MALT1: variants seen among roughly 807,000 people sequenced by gnomAD.
The protein encoded by MALT1 is MALT1 paracaspase.
MALT1 carries 36 observed loss-of-function variants against 85.5 expected under a neutral mutation model. The ratio of observed to expected loss-of-function variants is 0.42; its 90% CI spans 0.32 to 0.56. MALT1 has a LOEUF of 0.56. Ranked by LOEUF, MALT1 falls within the 20% of genes least tolerant of loss-of-function variation. MALT1 has a pLI of 0.10. For missense variants in MALT1, 716 were observed against 981.6 expected, an observed-to-expected ratio of 0.73 and a Z score of 3.62; for synonymous variants, 359 against 361.3, an observed-to-expected ratio of 0.99 and a Z score of 0.07.
chr18:58,680,965 G>T (rs1001345516), intron 1 of MALT1, among the ~76,000 whole-genome samples: 3 of 150,784 alleles, frequency 2.0e-5, no homozygotes, highest in African/African-American at 7.3e-5. Context: ...ATAATCATGG[G>T]AGCTGAGTGG....
intron 7 of MALT1, among the ~76,000 whole-genome samples, chr18:58,713,330 A>G (rs1240800547): frequency 6.6e-6 from 1 of 152,188 alleles, no homozygotes; most frequent in Non-Finnish European, 1.5e-5. Flanking sequence ...CCCATGGGGT[A>G]CAGGTTAATT....
intron 1 of MALT1, among the ~76,000 whole-genome samples, chr18:58,677,367 A>C (rs2054256881): frequency 6.6e-6 from 1 of 152,184 alleles, no homozygotes; most frequent in Non-Finnish European, 1.5e-5. Flanking sequence ...GCATTTGATG[A>C]GATGGCTTCT....
At chr18:58,728,374 TG>T (rs1167501052) in intron 10 of MALT1, among the ~76,000 whole-genome samples, 1 of 150,298 alleles carries the variant, frequency 6.7e-6, no homozygotes, top group African/African-American at 2.5e-5. Context: ...GAAGCTAAGG[TG>T]GGAGGGTTGC....
intron 4 of MALT1, 43 bp from the exon 5 acceptor site, chr18:58,709,335 T>G: frequency 7.4e-7 from 1 of 1,354,082 alleles, no homozygotes; most frequent in East Asian, 2.6e-5. Flanking sequence ...AAATTTTATT[T>G]TTATTTTTAA....
Position 58,753,777 on chromosome 18 carries a change from G to A in MALT1, c.*5935G>A, listed in dbSNP as rs994399530. On this transcript the variant is annotated 3_prime_UTR_variant, in exon 17 of 17. Transcript: ENST00000649217. The stretch of plus-strand genomic sequence containing the variant: ...CAATTGTGTAATGTAAATATGCTCA[G>A]CTTCAATACATTTAAGAACACATTT... 5 of 150,832 alleles carry A rather than the reference G, an allele frequency of 3.3e-5. No homozygotes were observed. Among genetic ancestry groups the A allele is most frequent in the African/African-American group, 1.2e-4 (5 of 40,244 alleles). 9.3% of individuals were successfully genotyped at this position (150,832 alleles called of 1,614,324 possible). A position where few individuals can be genotyped will look rare whatever the true frequency, so the allele number is the denominator to read the frequency against.
At chr18:58,711,606 A>T (rs1486529387) in intron 7 of MALT1, among the ~76,000 whole-genome samples, 1 of 152,202 alleles carries the variant, frequency 6.6e-6, no homozygotes, top group Non-Finnish European at 1.5e-5. Flanking sequence ...TAATGAGTAA[A>T]TATTAAAATT....
chr18:58,733,864 CTA>C, intron 11 of MALT1: 1 of 1,179,550 alleles, frequency 8.5e-7, no homozygotes, highest in African/African-American at 1.6e-5. Flanking sequence ...TTAATAATCA[CTA>C]TAGTTATTCC....
chr18:58,724,097 C>G (rs1415643368), intron 10 of MALT1, among the ~76,000 whole-genome samples: 1 of 152,158 alleles, frequency 6.6e-6, no homozygotes, highest in Non-Finnish European at 1.5e-5. Flanking sequence ...CGGTTTGGCT[C>G]CTGTATCTTT....
chr18:58,717,298 G>A (rs1475127098), intron 9 of MALT1, among the ~76,000 whole-genome samples: 1 of 151,888 alleles, frequency 6.6e-6, no homozygotes, highest in Non-Finnish European at 1.5e-5. Context: ...GAGAGGTGGA[G>A]GTTGTGGTGA....
At chr18:58,680,809 G>A (rs982715399) in intron 1 of MALT1, among the ~76,000 whole-genome samples, 1 of 151,648 alleles carries the variant, frequency 6.6e-6, no homozygotes, top group African/African-American at 2.4e-5. Flanking sequence ...TGTAGTCCCA[G>A]CTACTCGGGA....
At chr18:58,716,477 T>TA (rs931171725) in intron 9 of MALT1, among the ~76,000 whole-genome samples, 5 of 152,202 alleles carry the variant, frequency 3.3e-5, no homozygotes, top group Non-Finnish European at 4.4e-5. Flanking sequence ...TTAAAGATGG[T>TA]AAAAATAGCT....
rs1300768381 is a variant in MALT1 at position 58,747,643 on chromosome 18, G to T, written c.2276G>T (p.Gly759Val). 6.2e-7 allele frequency: 1 copy of T among 1,614,142 alleles called. No individual in the cohort carries two copies. The highest frequency in any genetic ancestry group is 8.5e-7 in the Non-Finnish European group (1 of 1,180,014). Residue 759 changes from glycine to valine, a missense_variant, in exon 17 of 17, where the codon GGT becomes GTT. Physicochemically the swap from Gly to Val is moderately radical, Grantham distance 109. Coordinates refer to ENST00000649217, the MANE Select transcript of MALT1 (RefSeq NM_006785.4). ...CACTCATTGCAAGACCCATTCCATG[G>T]TGTTTACCATTCACATCCTGGTAAT... ...HYHSLQDPFH[G>V]VYHSHPGNPS...
In MALT1 at chr18:58,752,153, GC is replaced by G. The variant is rs571619788; in HGVS notation, c.*4312del. 563 of 152,164 alleles carry G rather than the reference GC, an allele frequency of 3.7e-3. 4 individuals carry two copies. Among genetic ancestry groups the G allele is most frequent in the African/African-American group, 0.013 (540 of 41,496 alleles). The allele number at this position is 152,164 out of a possible 1,614,324, so 9.4% of individuals were successfully genotyped here. A position where few individuals can be genotyped will look rare whatever the true frequency, so the allele number is the denominator to read the frequency against. ...ATCACTGACATGTATACTGGCATAA[GC>G]TTTTTTTTGTTTGTTTTTAATTTTA... On this transcript the variant is annotated 3_prime_UTR_variant, in exon 17 of 17. Transcript: ENST00000649217.
rs1310581028 is a variant in MALT1 at position 58,750,597 on chromosome 18, G to A, written c.*2755G>A. 2.0e-5 allele frequency: 3 copies of A among 152,186 alleles called. No individual in the cohort carries two copies. Among genetic ancestry groups the A allele is most frequent in the Non-Finnish European group, 2.9e-5 (2 of 68,032 alleles). 9.4% of individuals were successfully genotyped at this position (152,186 alleles called of 1,614,324 possible). On this transcript the variant is annotated 3_prime_UTR_variant, in exon 17 of 17. Transcript: ENST00000649217. ...AAACCCATACATTTCTGGTCAACTT[G>A]TTTTCAACAAGGATGCCAATACCAT...
intron 13 of MALT1, among the ~76,000 whole-genome samples, chr18:58,737,870 ACC>A (rs1474517070): frequency 6.6e-6 from 1 of 152,234 alleles, no homozygotes; most frequent in East Asian, 1.9e-4. Flanking sequence ...GACGTGAGCC[ACC>A]ACGCCCGGCC....
At chr18:58,728,962 G>A (rs774632296) in intron 10 of MALT1, among the ~76,000 whole-genome samples, 18 of 152,068 alleles carry the variant, frequency 1.2e-4, no homozygotes, top group Non-Finnish European at 2.5e-4. Flanking sequence ...GCTGTCAGTC[G>A]TCTCTGAGTA....
intron 2 of MALT1, among the ~76,000 whole-genome samples, chr18:58,689,827 G>A (rs2054469354): frequency 1.3e-5 from 2 of 152,198 alleles, no homozygotes; most frequent in Non-Finnish European, 2.9e-5. Flanking sequence ...GGATGGCAAA[G>A]CGGAGCTTGT....
rs1196386812 is a variant in MALT1, at chr18:58,671,615, C to A, written c.-29C>A. 10 of 1,207,418 alleles carry A rather than the reference C, an allele frequency of 8.3e-6. No homozygotes were observed. The highest frequency in any genetic ancestry group is 1.0e-5 in the Non-Finnish European group (10 of 971,406). The allele number at this position is 1,207,418 out of a possible 1,614,324, so 74.8% of individuals were successfully genotyped here. A position where few individuals can be genotyped will look rare whatever the true frequency, so the allele number is the denominator to read the frequency against. On this transcript the variant is annotated 5_prime_UTR_variant, in exon 1 of 17. Transcript: ENST00000649217. ...GCCCGTGACGGGGCGGGCGGGAGCC[C>A]CGGCAGTCCGGGGTCGCCGGCGAGG...
intron 4 of MALT1, among the ~76,000 whole-genome samples, chr18:58,705,035 G>T (rs58379663): frequency 0.054 from 8,161 of 152,012 alleles, 347 homozygotes; most frequent in East Asian, 0.22. Flanking sequence ...GTGAGCCACC[G>T]CGCCCGGCCA....
Sources: allele counts gnomAD v4.1 joint callset (sites outside exome capture counted in the v4.1 genomes callset), GRCh38; gene constraint gnomAD v4.1.1; transcripts MANE v1.5; gene names NCBI Gene and HGNC (gene_info 2026-07-23, HGNC 2026-07-21).